The following JMY variants were observed in gnomAD, a reference collection of about 807,000 sequenced individuals.
The protein encoded by JMY is junction-mediating and -regulatory protein.
JMY carries 46 observed loss-of-function variants against 103.3 expected under a neutral mutation model. The ratio of observed to expected loss-of-function variants is 0.45; its 90% CI spans 0.35 to 0.57. The LOEUF (loss-of-function observed/expected upper bound fraction) is 0.57. Ranked by LOEUF, JMY falls within the 20% of genes least tolerant of loss-of-function variation. JMY has a pLI of 0.00. For synonymous variants in JMY, 526 were observed against 489.3 expected, an observed-to-expected ratio of 1.07 and a Z score of -0.99; for missense variants, 1,238 against 1,255.2, an observed-to-expected ratio of 0.99 and a Z score of 0.21.
chr5:79,274,051 C>T (rs553244819), intron 1 of JMY, among the ~76,000 whole-genome samples: 2 of 151,952 alleles, frequency 1.3e-5, no homozygotes, highest in East Asian at 1.9e-4. Flanking sequence ...GGATGGTCTC[C>T]ATCTCCTGAC....
At chr5:79,279,918 A>G (rs569395021) in intron 2 of JMY, among the ~76,000 whole-genome samples, 1 of 152,200 alleles carries the variant, frequency 6.6e-6, no homozygotes, top group East Asian at 1.9e-4. Context: ...ATCTCAGCTC[A>G]CTGCAGTCTC....
At chr5:79,241,855 T>TGCCA (rs1314262044) in intron 1 of JMY, among the ~76,000 whole-genome samples, 2 of 152,188 alleles carry the variant, frequency 1.3e-5, no homozygotes, top group Non-Finnish European at 2.9e-5. Context: ...TGAATGCAGG[T>TGCCA]GCCACCAAGA....
At chr5:79,269,321 G>T (rs1206532287) in intron 1 of JMY, among the ~76,000 whole-genome samples, 1 of 152,170 alleles carries the variant, frequency 6.6e-6, no homozygotes, top group Non-Finnish European at 1.5e-5. Flanking sequence ...TTCTTTCACA[G>T]ATACCCTACT....
intron 7 of JMY, 46 bp downstream of exon 7, chr5:79,306,507 A>T (rs1746886670): frequency 7.4e-7 from 1 of 1,342,722 alleles, no homozygotes; most frequent in African/African-American, 1.4e-5. Context: ...ATTTTTTTGC[A>T]TGTTTTAGAG....
At chr5:79,275,198 C>T (rs1745902688) in intron 1 of JMY, among the ~76,000 whole-genome samples, 1 of 145,344 alleles carries the variant, frequency 6.9e-6, no homozygotes, top group Admixed American at 7.0e-5. Flanking sequence ...TGCTCTGTTG[C>T]CCACCAGGCT....
chr5:79,275,056 T>C (rs557058224), intron 1 of JMY, among the ~76,000 whole-genome samples: 1 of 152,290 alleles, frequency 6.6e-6, no homozygotes, highest in African/African-American at 2.4e-5. Flanking sequence ...CTGTCTCCCT[T>C]TCATCACTGT....
chr5:79,292,310 A>G (rs1345716512), intron 4 of JMY, among the ~76,000 whole-genome samples: 1 of 151,966 alleles, frequency 6.6e-6, no homozygotes, highest in African/African-American at 2.4e-5. Flanking sequence ...ATAATAGAGT[A>G]CCACCTTTAT....
intron 1 of JMY, among the ~76,000 whole-genome samples, chr5:79,268,932 G>A (rs992976695): frequency 3.9e-5 from 6 of 152,006 alleles, no homozygotes; most frequent in African/African-American, 1.5e-4. Context: ...TATGTCTTTT[G>A]CAAATGTTTT....
rs557396177 is a variant in JMY at position 79,259,538 on chromosome 5, A to G, written c.1033-18372A>G. Among the ~76,000 whole-genome samples the G allele has an allele frequency of 2.0e-5, 3 of 152,276 alleles. No homozygotes were observed. In the East Asian group the frequency reaches 5.8e-4, roughly 29 times the overall value. On this transcript the variant is annotated intron_variant, in intron 1 of 10. Coordinates refer to ENST00000396137, the MANE Select transcript of JMY (RefSeq NM_152405.5). ...GCTTGTCTGCCTCCTGCTGCCATTT[A>G]TGGTGCCCAGGCTGTTTGTGCCAAG...
In JMY at chr5:79,236,842, G is replaced by A. The variant is rs1448942868; in HGVS notation, c.192G>A (p.Ala64=). 6.9e-7 allele frequency: 1 copy of A among 1,451,366 alleles called. No individual in the cohort carries two copies. The highest frequency in any genetic ancestry group is 2.5e-5 in the Admixed American group (1 of 40,646). The allele number at this position is 1,451,366 out of a possible 1,614,324, so 89.9% of individuals were successfully genotyped here. Residue 64 remains alanine (A), a synonymous_variant, in exon 1 of 11, where the codon GCG becomes GCA. Transcript: ENST00000396137. ...GCGGCTCCCGGGAGCAAGCGGGGGC[G>A]CGAGGGGGCGCCGAGGCCGGCGGAG... is the stretch of plus-strand genomic sequence containing the variant. ...QRSGSREQAG[A]RGGAEAGGAA...
chr5:79,300,560 T>G (rs1746702472), intron 5 of JMY, 116 bp from the exon 6 acceptor site: 16 of 821,156 alleles, frequency 1.9e-5, no homozygotes, highest in Non-Finnish European at 3.0e-5. Flanking sequence ...CAAAGAAGCT[T>G]AAGAGATAAT....
At chr5:79,270,834 A>G (rs2112077773) in intron 1 of JMY, among the ~76,000 whole-genome samples, 1 of 151,432 alleles carries the variant, frequency 6.6e-6, no homozygotes, top group Non-Finnish European at 1.5e-5. Context: ...TTTATCATGA[A>G]TTGAGTGTTG....
chr5:79,257,075 A>AT lies in JMY; in HGVS notation c.1032+19404dup, dbSNP rs1269087195. ...TATTATTATTATTTTATTTGATTTT[A>AT]TTTTTTTTTTTGAGATGGAGTCTCA... is the stretch of plus-strand genomic sequence containing the variant. On this transcript the variant is annotated intron_variant, in intron 1 of 10. Transcript: ENST00000396137. Among the ~76,000 whole-genome samples, 728 of 141,306 alleles carry AT rather than the reference A, an allele frequency of 5.2e-3. 5 individuals are homozygous for AT. Among genetic ancestry groups the AT allele is most frequent in the African/African-American group, 0.017 (656 of 38,322 alleles). 92.7% of individuals were successfully genotyped at this position (141,306 alleles called of 152,430 possible). A position where few individuals can be genotyped will look rare whatever the true frequency, so the allele number is the denominator to read the frequency against.
chr5:79,243,276 C>T (rs1744796130), intron 1 of JMY, among the ~76,000 whole-genome samples: 1 of 147,724 alleles, frequency 6.8e-6, no homozygotes, highest in Admixed American at 7.0e-5. Context: ...TTCTTGAAAA[C>T]CTAAGATTAG....
intron 1 of JMY, among the ~76,000 whole-genome samples, chr5:79,261,223 C>G (rs7717922): frequency 0.056 from 8,519 of 152,106 alleles, 540 homozygotes; most frequent in African/African-American, 0.15. Context: ...GATCTTTACC[C>G]TGAGGTTTTT....
intron 1 of JMY, among the ~76,000 whole-genome samples, chr5:79,242,776 A>G (rs1289382444): frequency 1.3e-5 from 2 of 149,964 alleles, no homozygotes; most frequent in East Asian, 2.0e-4. Flanking sequence ...AGTCAGTTCA[A>G]TAATGACTTT....
At chr5:79,259,499 A>C (rs1745352280) in intron 1 of JMY, among the ~76,000 whole-genome samples, 1 of 152,156 alleles carries the variant, frequency 6.6e-6, no homozygotes, top group African/African-American at 2.4e-5. Flanking sequence ...GGACTCACCC[A>C]CTCCTGCCCA....
chr5:79,291,505 G>A (rs887453262), intron 4 of JMY, among the ~76,000 whole-genome samples: 5 of 152,138 alleles, frequency 3.3e-5, no homozygotes, highest in African/African-American at 9.7e-5. Flanking sequence ...GTGATGGTTG[G>A]CAGCACTGCA....
At chr5:79,261,258 G>A (rs1221478440) in intron 1 of JMY, among the ~76,000 whole-genome samples, 1 of 152,140 alleles carries the variant, frequency 6.6e-6, no homozygotes, top group Admixed American at 6.5e-5. Flanking sequence ...CCATGGCAAT[G>A]TAAATTGATA....
Sources: gnomAD v4.1 joint callset for allele counts (sites outside exome capture counted in the v4.1 genomes callset) on GRCh38, gnomAD v4.1.1 for gene constraint, MANE v1.5 for transcripts, NCBI Gene and HGNC (gene_info 2026-07-23, HGNC 2026-07-21) for gene names.